BICD1: variants seen among roughly 807,000 people sequenced by gnomAD.
BICD1 encodes BICD cargo adaptor 1.
BICD1 carries 35 observed loss-of-function variants against 92.5 expected under a neutral mutation model. The observed-to-expected ratio is 0.38, with a 90% CI of 0.29 to 0.50. The LOEUF is 0.50. BICD1 is among the 20% of genes least tolerant of loss of function. BICD1 has a pLI of 0.93. For synonymous variants in BICD1, 429 were observed against 465.1 expected (o/e 0.92, Z 1.00); for missense variants, 950 against 1,189.8 (o/e 0.80, Z 2.97).
chr12:32,176,540 A>G (rs747176396), intron 1 of BICD1, among the ~76,000 whole-genome samples: 5 of 152,222 alleles, frequency 3.3e-5, no homozygotes, highest in Non-Finnish European at 7.3e-5. Context: ...CATTTGCATC[A>G]TTCTAGAAAG....
At chr12:32,263,485 G>T (rs1381960490) in intron 2 of BICD1, among the ~76,000 whole-genome samples, 1 of 151,346 alleles carries the variant, frequency 6.6e-6, no homozygotes, top group Non-Finnish European at 1.5e-5. Context: ...GGCAGAGGTT[G>T]CAGTGAGCCA....
chr12:32,195,342 CACTTCCTGGTTTCAAACT>C (rs60699961), intron 1 of BICD1, among the ~76,000 whole-genome samples: 5,364 of 152,220 alleles, frequency 0.035, 319 homozygotes, highest in African/African-American at 0.12. Flanking sequence ...CTGGAGGAAC[CACTTCCTGGTTTCAAACT>C]ACTTCCTGGT....
rs909156573 is a variant in BICD1, at chr12:32,118,388, A to G, written c.213+10844A>G. Among the ~76,000 whole-genome samples, 4 of 152,038 alleles carry G rather than the reference A, an allele frequency of 2.6e-5. No individual in the cohort carries two copies. The East Asian group carries it at 7.7e-4, about 29-fold the overall frequency. ...GAGCCACCGAGCCTGGCCTAGTCCA[A>G]TATTTTATAATCTGCATCGTCAACT... On this transcript the variant is annotated intron_variant, in intron 1 of 9. Coordinates refer to ENST00000652176, the MANE Select transcript of BICD1 (RefSeq NM_001714.4).
At chr12:32,181,063 A>G (rs1162184387) in intron 1 of BICD1, among the ~76,000 whole-genome samples, 1 of 151,870 alleles carries the variant, frequency 6.6e-6, no homozygotes, top group African/African-American at 2.4e-5. Context: ...CCAGAAATTA[A>G]CTTAAGAATG....
At chr12:32,187,927 G>A (rs1457712305) in intron 1 of BICD1, among the ~76,000 whole-genome samples, 2 of 149,136 alleles carry the variant, frequency 1.3e-5, no homozygotes, top group African/African-American at 4.9e-5. Context: ...ACGCAGGCTG[G>A]AATCTACTAT....
At chr12:32,245,478 A>G (rs917607430) in intron 2 of BICD1, among the ~76,000 whole-genome samples, 4 of 152,202 alleles carry the variant, frequency 2.6e-5, no homozygotes, top group Admixed American at 1.3e-4. Flanking sequence ...TAAAGCAAAC[A>G]GTGTATTGAA....
At chr12:32,122,432 T>C (rs542632238) in intron 1 of BICD1, among the ~76,000 whole-genome samples, 5 of 148,264 alleles carry the variant, frequency 3.4e-5, no homozygotes, top group Admixed American at 6.8e-5. Flanking sequence ...GAGCTTGCAG[T>C]GAGCTGAGAT....
intron 1 of BICD1, among the ~76,000 whole-genome samples, chr12:32,117,774 A>G (rs1358460660): frequency 2.2e-5 from 3 of 138,258 alleles, no homozygotes; most frequent in Non-Finnish European, 3.1e-5. Flanking sequence ...TTTTAAGACC[A>G]TATTTCGCTC....
rs569345610 is a variant in BICD1 at position 32,381,961 on chromosome 12, G to A, written c.*4334G>A. The A allele has an allele frequency of 6.6e-6, 1 of 152,020 alleles. No homozygotes were observed. The highest frequency in any genetic ancestry group is 2.4e-5 in the African/African-American group (1 of 41,438). 9.4% of individuals were successfully genotyped at this position (152,020 alleles called of 1,614,324 possible). A position where few individuals can be genotyped will look rare whatever the true frequency, so the allele number is the denominator to read the frequency against. On this transcript the variant is annotated 3_prime_UTR_variant, in exon 10 of 10. Transcript: ENST00000652176. ...AAGCTGTTGAACTGGAGTTATGATAGGTTATGACAGAGAGCATGATCAGTG... is the reference window on the plus strand; with the variant it reads ...AAGCTGTTGAACTGGAGTTATGATAAGTTATGACAGAGAGCATGATCAGTG...
intron 1 of BICD1, among the ~76,000 whole-genome samples, chr12:32,167,251 T>A (rs1943795761): frequency 6.6e-6 from 1 of 152,240 alleles, no homozygotes; most frequent in South Asian, 2.1e-4. Flanking sequence ...TGTGGCTTTC[T>A]GTTATTAGAA....
At chr12:32,257,835 G>T (rs1435092843) in intron 2 of BICD1, among the ~76,000 whole-genome samples, 1 of 152,158 alleles carries the variant, frequency 6.6e-6, no homozygotes, top group African/African-American at 2.4e-5. Flanking sequence ...TGTGGCCACA[G>T]TTCATTTTGT....
chr12:32,278,591 T>C (rs1947333967), intron 2 of BICD1, among the ~76,000 whole-genome samples: 1 of 152,226 alleles, frequency 6.6e-6, no homozygotes, highest in African/African-American at 2.4e-5. Flanking sequence ...AGGTGGCTCA[T>C]GCCTGTAATC....
chr12:32,116,342 CTT>C (rs1941888158), intron 1 of BICD1, among the ~76,000 whole-genome samples: 1 of 152,024 alleles, frequency 6.6e-6, no homozygotes, highest in South Asian at 2.1e-4. Flanking sequence ...TCCATCAACT[CTT>C]TTATGTATTT....
rs1938206665 is a variant in BICD1, at chr12:32,337,958, T to C, written c.2570+142T>C. 4.4e-6 allele frequency: 4 copies of C among 900,634 alleles called. No homozygotes were observed. Among genetic ancestry groups the C allele is most frequent in the Middle Eastern group, 3.3e-4 (1 of 3,020 alleles). 55.8% of individuals were successfully genotyped at this position (900,634 alleles called of 1,614,324 possible). A position where few individuals can be genotyped will look rare whatever the true frequency, so the allele number is the denominator to read the frequency against. On this transcript the variant is annotated intron_variant, in intron 7 of 9. Coordinates refer to ENST00000652176, the MANE Select transcript of BICD1 (RefSeq NM_001714.4). The surrounding 1 kb of genome is among the most constrained non-coding windows in gnomAD (Gnocchi z 4.7). Reference sequence around the variant, plus strand: ...GCTGGCATATAAATGGTCTTGCTAATGTGGGTCTTTCCAGATCAAAACCTT... The same window carrying C: ...GCTGGCATATAAATGGTCTTGCTAACGTGGGTCTTTCCAGATCAAAACCTT...
chr12:32,264,068 GC>G (rs1420780375), intron 2 of BICD1, among the ~76,000 whole-genome samples: 2 of 152,108 alleles, frequency 1.3e-5, no homozygotes, highest in East Asian at 3.8e-4. Context: ...CTTACAGAAT[GC>G]AAATCATTAA....
chr12:32,116,462 G>GTC lies in BICD1; in HGVS notation c.213+8946_213+8947dup, dbSNP rs1173406919. ...TCTCTGTCTGTCTGTCTGTCTGTCT[G>GTC]TCTCTCTCTCTCTCTCTCTCTCTCT... On this transcript the variant is annotated intron_variant, in intron 1 of 9. Coordinates refer to ENST00000652176, the MANE Select transcript of BICD1 (RefSeq NM_001714.4). Among the ~76,000 whole-genome samples, 589 of 91,528 alleles carry GTC rather than the reference G, an allele frequency of 6.4e-3. 6 individuals are homozygous for GTC. The highest frequency in any genetic ancestry group is 0.021 in the African/African-American group (424 of 20,566). 60.0% of individuals were successfully genotyped at this position (91,528 alleles called of 152,430 possible).
At chr12:32,331,884 C>A (rs1443821398) in intron 5 of BICD1, among the ~76,000 whole-genome samples, 2 of 152,078 alleles carry the variant, frequency 1.3e-5, no homozygotes, top group South Asian at 4.1e-4. Flanking sequence ...ATGCTTATTG[C>A]CGTAAATAGC....
chr12:32,316,153 A>C (rs1214946885), intron 4 of BICD1, among the ~76,000 whole-genome samples: 1 of 143,950 alleles, frequency 6.9e-6, no homozygotes, highest in Non-Finnish European at 1.5e-5. Context: ...AAAAAAAAAA[A>C]GGCTTTGAGT....
intron 1 of BICD1, among the ~76,000 whole-genome samples, chr12:32,122,503 A>T (rs934288083): frequency 5.4e-5 from 8 of 148,606 alleles, no homozygotes; most frequent in South Asian, 2.1e-4. Flanking sequence ...AAAAAAAAAA[A>T]CAAATAACAA....
Sources: gnomAD v4.1 joint callset for allele counts (sites outside exome capture counted in the v4.1 genomes callset) on GRCh38, gnomAD v4.1.1 for gene constraint, Gnocchi (gnomAD v3.1) non-coding constraint, MANE v1.5 for transcripts, NCBI Gene and HGNC (gene_info 2026-07-23, HGNC 2026-07-21) for gene names.